The following MEGF10 variants were observed in gnomAD, a reference collection of about 807,000 sequenced individuals.
MEGF10 encodes the protein multiple EGF like domains 10.
In MEGF10, 86 loss-of-function variants were observed where a neutral mutation model predicts 147.5. That is an observed-to-expected ratio of 0.58 (90% CI 0.49 to 0.70). The LOEUF (loss-of-function observed/expected upper bound fraction) is 0.70. MEGF10 is among the 30% of genes least tolerant of loss of function. MEGF10 has a pLI of 0.00. For missense variants in MEGF10, 1,329 were observed against 1,487.3 expected (o/e 0.89, Z 1.75); for synonymous variants, 478 against 525.5 (o/e 0.91, Z 1.24).
intron 4 of MEGF10, among the ~76,000 whole-genome samples, chr5:127,367,938 C>G (rs530778657): frequency 6.6e-6 from 1 of 152,206 alleles, no homozygotes; most frequent in Admixed American, 6.5e-5. Flanking sequence ...GCATCCAGAG[C>G]ATACCCTGCA....
At chr5:127,380,022 C>T (rs547589738) in intron 5 of MEGF10, among the ~76,000 whole-genome samples, 8 of 151,698 alleles carry the variant, frequency 5.3e-5, no homozygotes, top group African/African-American at 1.9e-4. Flanking sequence ...TCCTTTTTAA[C>T]GTTTTTAAAT....
At chr5:127,447,343 T>A (rs971790394) in intron 20 of MEGF10, among the ~76,000 whole-genome samples, 1 of 151,872 alleles carries the variant, frequency 6.6e-6, no homozygotes, top group Admixed American at 6.6e-5. Flanking sequence ...GCCCGGCTAA[T>A]TTTTTTTGTA....
In MEGF10 at chr5:127,402,606, T is replaced by A; in HGVS notation, c.841T>A (p.Cys281Ser). ...CTTTGGAAAGAACTGTTCCCAAGAA[T>A]GCCAGTGCCATAATGGAGGGACGTG... ...GRFGKNCSQE[C>S]QCHNGGTCDA... Residue 281 changes from cysteine to serine, a missense_variant, in exon 8 of 25, where the codon TGC becomes AGC. This residue lies in a region of MEGF10 where 980 missense variants were observed against 1,085.9 expected (regional missense o/e 0.90). Coordinates refer to ENST00000503335, the MANE Select transcript of MEGF10 (RefSeq NM_001256545.2). 1.2e-6 allele frequency: 2 copies of A among 1,614,150 alleles called. No individual in the cohort carries two copies. The highest frequency in any genetic ancestry group is 3.3e-5 in the Admixed American group (2 of 60,018).
At chr5:127,393,671 A>G (rs1763790743) in intron 5 of MEGF10, among the ~76,000 whole-genome samples, 1 of 152,234 alleles carries the variant, frequency 6.6e-6, no homozygotes, top group South Asian at 2.1e-4. Context: ...AAAACATGTC[A>G]TCATGCTTGG....
Position 127,417,810 on chromosome 5 carries a change from A to C in MEGF10, c.1303A>C (p.Lys435Gln), listed in dbSNP as rs1336768476. Residue 435 changes from lysine to glutamine, a missense_variant and splice_region_variant, in exon 10 of 25, where the codon AAA becomes CAA. Coordinates refer to ENST00000503335, the MANE Select transcript of MEGF10 (RefSeq NM_001256545.2). Reference sequence around the variant, plus strand: ...AAAGTGCACCTGTGCCCCAGGATTCAAAGTGAGTGACTAGGGCTCTGGAGG... The same window carrying C: ...AAAGTGCACCTGTGCCCCAGGATTCCAAGTGAGTGACTAGGGCTCTGGAGG... ...TGKCTCAPGFKGIDCSTPCPL... is the reference protein window; with the variant it reads ...TGKCTCAPGFQGIDCSTPCPL... 1 of 1,613,724 alleles carries C rather than the reference A, an allele frequency of 6.2e-7. No individual in the cohort carries two copies. The highest frequency in any genetic ancestry group is 1.1e-5 in the South Asian group (1 of 90,960).
the MEGF10 span, among the ~76,000 whole-genome samples, chr5:127,257,905 CAG>C: frequency 6.6e-6 from 1 of 152,126 alleles, no homozygotes; most frequent in South Asian, 2.1e-4. Flanking sequence ...AAAGAGTAAA[CAG>C]ACTTATTTTT....
intron 7 of MEGF10, among the ~76,000 whole-genome samples, chr5:127,400,826 G>T (rs945793853): frequency 1.3e-5 from 2 of 152,040 alleles, no homozygotes; most frequent in Non-Finnish European, 2.9e-5. Flanking sequence ...TGTGTCCCAG[G>T]CCCCTTACCT....
chr5:127,404,977 A>G (rs1764271269), intron 8 of MEGF10, among the ~76,000 whole-genome samples: 2 of 152,092 alleles, frequency 1.3e-5, no homozygotes, highest in Non-Finnish European at 1.5e-5. Context: ...CAGCCTCCCA[A>G]AGTGCTAAGA....
Position 127,449,100 on chromosome 5 carries a change from C to T in MEGF10, c.2858C>T (p.Ser953Leu). 1 of 1,613,866 alleles carries T rather than the reference C, an allele frequency of 6.2e-7. No homozygotes were observed. Among genetic ancestry groups the T allele is most frequent in the Non-Finnish European group, 8.5e-7 (1 of 1,179,910 alleles). Reference protein sequence around the residue: ...NNRDRMTVTKSKNNQLFVNLK... With the variant: ...NNRDRMTVTKLKNNQLFVNLK... ...TTTCGTTGTTTATATTTTTAACAGT[C>T]AAAAAACAATCAACTGTTTGTGAAT... Residue 953 changes from serine to leucine, a missense_variant and splice_region_variant, in exon 22 of 25, where the codon TCA (serine) becomes TTA (leucine). Transcript: ENST00000503335.
chr5:127,256,612 T>C, the MEGF10 span, among the ~76,000 whole-genome samples: 2 of 152,190 alleles, frequency 1.3e-5, no homozygotes, highest in African/African-American at 4.8e-5. Flanking sequence ...TGAGACCCTA[T>C]TACTGTGGTC....
the MEGF10 span, among the ~76,000 whole-genome samples, chr5:127,257,771 T>C: frequency 6.6e-6 from 1 of 152,186 alleles, no homozygotes; most frequent in Non-Finnish European, 1.5e-5. Flanking sequence ...CAAACTGACC[T>C]AGGCAGAAAC....
At chr5:127,391,430 A>T (rs962329780) in intron 5 of MEGF10, among the ~76,000 whole-genome samples, 1 of 152,000 alleles carries the variant, frequency 6.6e-6, no homozygotes, top group Non-Finnish European at 1.5e-5. Flanking sequence ...ACAAAAAATT[A>T]GCCAGTCATG....
chr5:127,358,405 G>C (rs563887706), intron 4 of MEGF10, among the ~76,000 whole-genome samples: 1 of 152,258 alleles, frequency 6.6e-6, no homozygotes, highest in South Asian at 2.1e-4. Context: ...CAGATGTATT[G>C]GATAACCGGA....
In MEGF10 at chr5:127,433,489, G is replaced by A. The variant is rs759730720; in HGVS notation, c.1820G>A (p.Arg607Gln). ...ATCTGCGAGTGTGCACCAGGCTTCC[G>A]AGGCACCACTTGTCAGAGGAGTAAG... ...DGICECAPGF[R>Q]GTTCQRICSP... The change falls in exon 14 of 25, where the codon CGA (arginine) becomes CAA (glutamine). Residue 607 changes from arginine (R) to glutamine (Q), a missense_variant. Arg to Gln is a conservative substitution (Grantham distance 43). Transcript: ENST00000503335. 18 of 1,609,662 alleles carry A rather than the reference G, an allele frequency of 1.1e-5. No homozygotes were observed. Among genetic ancestry groups the A allele is most frequent in the African/African-American group, 2.7e-5 (2 of 74,820 alleles).
chr5:127,289,388 G>A (rs1390028997), upstream of MEGF10, among the ~76,000 whole-genome samples: 2 of 152,176 alleles, frequency 1.3e-5, no homozygotes, highest in Non-Finnish European at 2.9e-5. Flanking sequence ...TGCCTGTGCT[G>A]CCCAGATCAA....
chr5:127,342,540 G>C (rs1045558973), intron 4 of MEGF10, among the ~76,000 whole-genome samples: 4 of 152,100 alleles, frequency 2.6e-5, no homozygotes, highest in African/African-American at 9.7e-5. Context: ...AAGCTGGTGG[G>C]GGGGTGTAGA....
chr5:127,390,261 T>C (rs1431038318), intron 5 of MEGF10, among the ~76,000 whole-genome samples: 1 of 152,118 alleles, frequency 6.6e-6, no homozygotes, highest in Non-Finnish European at 1.5e-5. Context: ...AGGTTCATTC[T>C]GATATATTGC....
intron 21 of MEGF10, 22 bp from the exon 22 acceptor site, chr5:127,449,077 T>C: frequency 6.2e-7 from 1 of 1,613,740 alleles, no homozygotes; most frequent in Non-Finnish European, 8.5e-7. Flanking sequence ...TTTTAATCTT[T>C]CGTTGTTTAT....
At chr5:127,437,007 G>A (rs144623189) in intron 16 of MEGF10, among the ~76,000 whole-genome samples, 2 of 152,324 alleles carry the variant, frequency 1.3e-5, no homozygotes, top group African/African-American at 4.8e-5. Flanking sequence ...ATAAAGTTGA[G>A]TGATGCTTAT....
Sources: gnomAD v4.1 joint callset for allele counts (sites outside exome capture counted in the v4.1 genomes callset) on GRCh38, gnomAD v4.1.1 for gene constraint, gnomAD v4.1.1 regional missense constraint, MANE v1.5 for transcripts, NCBI Gene and HGNC (gene_info 2026-07-23, HGNC 2026-07-21) for gene names.